Variants in CSMD1 observed in about 807,000 individuals in gnomAD.
CSMD1 encodes CUB and Sushi multiple domains 1.
Under a neutral mutation model 417.5 loss-of-function variants are expected in CSMD1, and 213 were observed. The observed-to-expected ratio is 0.51, with a 90% CI of 0.46 to 0.57. The LOEUF (loss-of-function observed/expected upper bound fraction) is 0.57. CSMD1 is among the 20% of genes least tolerant of loss of function. CSMD1 has a pLI of 0.00. For synonymous variants in CSMD1, 2,862 were observed against 1,736.8 expected, an observed-to-expected ratio of 1.65 and a Z score of -16.11; for missense variants, 6,923 against 4,529.7, an observed-to-expected ratio of 1.53 and a Z score of -15.17.
chr8:3,378,728 A>G (rs1176622383), intron 18 of CSMD1, among the ~76,000 whole-genome samples: 1 of 152,198 alleles, frequency 6.6e-6, no homozygotes, highest in East Asian at 1.9e-4. Context: ...TCAATAAACT[A>G]GGTAGTGATG....
chr8:4,404,321 T>C (rs887758621), intron 3 of CSMD1, among the ~76,000 whole-genome samples: 1 of 152,212 alleles, frequency 6.6e-6, no homozygotes, highest in Non-Finnish European at 1.5e-5. Flanking sequence ...GTTTATGATG[T>C]GGCTTTCTCC....
intron 3 of CSMD1, among the ~76,000 whole-genome samples, chr8:4,036,961 GTGT>G (rs1797651423): frequency 1.7e-4 from 2 of 11,658 alleles, no homozygotes; most frequent in African/African-American, 7.8e-4. Flanking sequence ...TGTGGGGTGT[GTGT>G]GTGTGTGTGT....
intron 3 of CSMD1, among the ~76,000 whole-genome samples, chr8:4,037,293 T>C (rs191675084): frequency 1.3e-5 from 2 of 152,306 alleles, no homozygotes; most frequent in African/African-American, 2.4e-5. Flanking sequence ...ATTGGTCTTG[T>C]CTTACATTGT....
At chr8:4,752,166 C>G (rs557698134) in intron 1 of CSMD1, among the ~76,000 whole-genome samples, 9 of 151,962 alleles carry the variant, frequency 5.9e-5, no homozygotes, top group Non-Finnish European at 8.8e-5. Flanking sequence ...AGTTCCTTAC[C>G]ACTTCTCTAG....
chr8:4,836,373 C>T (rs1435818440), intron 1 of CSMD1, among the ~76,000 whole-genome samples: 2 of 152,220 alleles, frequency 1.3e-5, no homozygotes, highest in African/African-American at 4.8e-5. Context: ...CATGCCACAT[C>T]TTGCTGACTG....
intron 10 of CSMD1, among the ~76,000 whole-genome samples, chr8:3,563,945 T>C (rs552045197): frequency 2.6e-5 from 4 of 152,260 alleles, no homozygotes; most frequent in South Asian, 4.1e-4. Context: ...TTTTCATGAA[T>C]ACTAATGTTC....
chr8:4,870,101 A>G (rs1375327711), intron 1 of CSMD1, among the ~76,000 whole-genome samples: 1 of 152,106 alleles, frequency 6.6e-6, no homozygotes, highest in Non-Finnish European at 1.5e-5. Flanking sequence ...AATATTGCAC[A>G]CTCTTGATTT....
chr8:3,339,056 A>G (rs527636365), intron 23 of CSMD1, among the ~76,000 whole-genome samples: 4 of 138,490 alleles, frequency 2.9e-5, no homozygotes, highest in Non-Finnish European at 1.5e-5. Flanking sequence ...TCATTGTTCA[A>G]TTCCCACCTA....
intron 5 of CSMD1, among the ~76,000 whole-genome samples, chr8:3,835,497 T>C (rs1563128521): frequency 6.6e-6 from 1 of 151,776 alleles, no homozygotes; most frequent in African/African-American, 2.4e-5. Context: ...ATGTTCTCAC[T>C]CATAGCTGGG....
chr8:4,281,697 A>G (rs536832018), intron 3 of CSMD1, among the ~76,000 whole-genome samples: 9 of 152,228 alleles, frequency 5.9e-5, no homozygotes, highest in Non-Finnish European at 1.2e-4. Flanking sequence ...ACATATACAT[A>G]CAAGTCATTT....
intron 2 of CSMD1, among the ~76,000 whole-genome samples, chr8:4,636,332 G>A (rs1156832861): frequency 6.6e-6 from 1 of 152,122 alleles, no homozygotes. Context: ...ATTTAAAAAT[G>A]ATACCAGGAA....
At chr8:4,760,661 C>T (rs577159599) in intron 1 of CSMD1, among the ~76,000 whole-genome samples, 2 of 152,206 alleles carry the variant, frequency 1.3e-5, no homozygotes, top group African/African-American at 2.4e-5. Context: ...TCATGAGTAA[C>T]ATTTTGTCTA....
chr8:4,071,551 C>G (rs1799559499), intron 3 of CSMD1, among the ~76,000 whole-genome samples: 1 of 151,952 alleles, frequency 6.6e-6, no homozygotes. Context: ...CATTAAAATC[C>G]TTCTCCGCTA....
chr8:3,719,468 G>A (rs1450637608), intron 6 of CSMD1, among the ~76,000 whole-genome samples: 1 of 152,110 alleles, frequency 6.6e-6, no homozygotes, highest in African/African-American at 2.4e-5. Context: ...AAAGTGGGTG[G>A]TATTTAACTC....
chr8:3,481,773 C>T (rs1410862105), intron 11 of CSMD1, among the ~76,000 whole-genome samples: 2 of 152,098 alleles, frequency 1.3e-5, no homozygotes, highest in Non-Finnish European at 2.9e-5. Flanking sequence ...AGCAGCTGCC[C>T]TAAGCTGGAA....
intron 23 of CSMD1, among the ~76,000 whole-genome samples, chr8:3,311,236 C>A (rs967452666): frequency 6.6e-6 from 1 of 152,044 alleles, no homozygotes; most frequent in African/African-American, 2.4e-5. Context: ...AGATAGTCCT[C>A]CCCACTACTA....
chr8:4,855,622 AG>A (rs1801752577), intron 1 of CSMD1, among the ~76,000 whole-genome samples: 3 of 152,248 alleles, frequency 2.0e-5, no homozygotes, highest in Non-Finnish European at 4.4e-5. Flanking sequence ...AGAATGCAGA[AG>A]CCTCTGGAGC....
intron 1 of CSMD1, among the ~76,000 whole-genome samples, chr8:4,706,232 T>G (rs905504177): frequency 7.2e-5 from 11 of 151,972 alleles, no homozygotes; most frequent in African/African-American, 2.7e-4. Flanking sequence ...TGCTAATTGT[T>G]TGAAAGTCCC....
intron 49 of CSMD1, among the ~76,000 whole-genome samples, chr8:3,071,037 C>T (rs760708218): frequency 1.3e-5 from 2 of 152,190 alleles, no homozygotes; most frequent in South Asian, 2.1e-4. Context: ...AACCATGTCA[C>T]ACTGTCACAG....
Sources: allele counts gnomAD v4.1 joint callset (sites outside exome capture counted in the v4.1 genomes callset), GRCh38; gene constraint gnomAD v4.1.1; transcripts MANE v1.5; gene names NCBI Gene and HGNC (gene_info 2026-07-23, HGNC 2026-07-21).